Variants in IGF2R observed in about 807,000 individuals in gnomAD.
The protein encoded by IGF2R is cation-independent mannose-6-phosphate receptor.
A neutral mutation model predicts 270.6 loss-of-function variants in IGF2R; 91 were observed. The observed-to-expected ratio is 0.34, with a 90% confidence interval of 0.28 to 0.40. The LOEUF is 0.40. Ranked by LOEUF, IGF2R falls within the 10% of genes least tolerant of loss-of-function variation. The pLI, the probability that IGF2R is intolerant of heterozygous loss-of-function variation, is 1.00. For missense variants in IGF2R, 2,805 were observed against 3,188.3 expected, an observed-to-expected ratio of 0.88 and a Z score of 2.90; for synonymous variants, 1,316 against 1,258.9, an observed-to-expected ratio of 1.05 and a Z score of -0.96.
intron 1 of IGF2R, among the ~76,000 whole-genome samples, chr6:159,978,340 G>C (rs1287415014): frequency 2.0e-5 from 3 of 152,082 alleles, no homozygotes; most frequent in Admixed American, 2.0e-4. Context: ...TTGATAATTC[G>C]AGGTGTGGAG....
At chr6:160,104,434 A>G (rs1037388687) in intron 47 of IGF2R, among the ~76,000 whole-genome samples, 4 of 151,872 alleles carry the variant, frequency 2.6e-5, no homozygotes, top group African/African-American at 4.8e-5. Flanking sequence ...CTCCTGCCAA[A>G]TGACCCCACT....
intron 2 of IGF2R, among the ~76,000 whole-genome samples, chr6:159,999,186 T>TAGGGA (rs1355825584): frequency 6.6e-6 from 1 of 152,114 alleles, no homozygotes; most frequent in Non-Finnish European, 1.5e-5. Flanking sequence ...TCATACACCA[T>TAGGGA]AGGGAAGGGG....
intron 4 of IGF2R, among the ~76,000 whole-genome samples, chr6:160,013,672 T>A (rs1784373888): frequency 6.6e-6 from 1 of 152,220 alleles, no homozygotes; most frequent in Non-Finnish European, 1.5e-5. Context: ...TGTTAAATTT[T>A]GGAATGCTTT....
At chr6:160,078,069 C>A in intron 36 of IGF2R, 132 bp from the exon 37 acceptor site, 1 of 816,926 alleles carries the variant, frequency 1.2e-6, no homozygotes, top group Non-Finnish European at 2.0e-6. Context: ...CTTTCAGCTG[C>A]TGTTGTCTAG....
At position 160,109,983 on chromosome 6, in the gene IGF2R, T is replaced by G. The variant is rs1332568978; in HGVS notation, c.*4899T>G. On this transcript the variant is annotated 3_prime_UTR_variant, in exon 48 of 48. Coordinates refer to ENST00000356956, the MANE Select transcript of IGF2R (RefSeq NM_000876.4). ...GTTCTGTATGTTGTTAACAGATGTT[T>G]TGCAAAAAATGAAAAGGACCTGAGC... 6.6e-6 allele frequency: 1 copy of G among 152,160 alleles called. No individual in the cohort carries two copies. Among genetic ancestry groups the G allele is most frequent in the African/African-American group, 2.4e-5 (1 of 41,422 alleles). The allele number at this position is 152,160 out of a possible 1,614,324, so 9.4% of individuals were successfully genotyped here.
At chr6:160,036,535 C>A (rs1777828112) in intron 10 of IGF2R, among the ~76,000 whole-genome samples, 1 of 152,096 alleles carries the variant, frequency 6.6e-6, no homozygotes, top group South Asian at 2.1e-4. Flanking sequence ...TTGGCCTGTT[C>A]TGTTCAGGGC....
intron 6 of IGF2R, 75 bp from the exon 7 acceptor site, chr6:160,029,475 A>C: frequency 2.3e-6 from 2 of 881,362 alleles, no homozygotes; most frequent in Non-Finnish European, 1.9e-6. Flanking sequence ...AATGTGCTGA[A>C]TGCTCAGGGC....
Position 160,079,689 on chromosome 6 carries a change from G to C in IGF2R, c.5588G>C (p.Gly1863Ala). 6.5e-7 allele frequency: 1 copy of C among 1,545,906 alleles called. No individual in the cohort carries two copies. The highest frequency in any genetic ancestry group is 8.7e-7 in the Non-Finnish European group (1 of 1,148,780). ...GTCTGTCTGCTCTCAGGCACCAAGGGGGCATCCTTTGGACGGCTGCAATCA... is the reference window on the plus strand; with the variant it reads ...GTCTGTCTGCTCTCAGGCACCAAGGCGGCATCCTTTGGACGGCTGCAATCA... ...GGVCLLSGTK[G>A]ASFGRLQSMK... Residue 1863 changes from glycine to alanine, a missense_variant, in exon 38 of 48, where the codon GGG (glycine) becomes GCG (alanine). Physicochemically the swap from Gly to Ala is moderately conservative, Grantham distance 60 (BLOSUM62 0). Around this residue, in one of 2 missense-constraint regions of IGF2R, gnomAD observed 1,851 missense variants for 2,207.2 expected, o/e 0.84. Coordinates refer to ENST00000356956, the MANE Select transcript of IGF2R (RefSeq NM_000876.4).
In IGF2R at chr6:160,027,258, C is replaced by A; in HGVS notation, c.720C>A (p.His240Gln). ...CTGCCGCCTGCCTGGTAAGAGGACA[C>A]CAGGCGTTTGATGTTGGCCAGCCCC... is the stretch of plus-strand genomic sequence containing the variant. Reference protein sequence around the residue: ...PGTAACLVRGHQAFDVGQPRD... With the variant: ...PGTAACLVRGQQAFDVGQPRD... Residue 240 changes from histidine (H) to glutamine (Q), a missense_variant, in exon 6 of 48, where the codon CAC becomes CAA. By Grantham distance (24) the His-to-Gln change is conservative (BLOSUM62 0). This residue lies in a region of IGF2R where 954 missense variants were observed against 981.1 expected (regional missense o/e 0.97). Coordinates refer to ENST00000356956, the MANE Select transcript of IGF2R (RefSeq NM_000876.4). 3 of 1,614,170 alleles carry A rather than the reference C, an allele frequency of 1.9e-6. No individual in the cohort carries two copies. The highest frequency in any genetic ancestry group is 1.7e-5 in the Admixed American group (1 of 60,028).
At chr6:160,031,696 C>T (rs1382158638) in intron 7 of IGF2R, among the ~76,000 whole-genome samples, 1 of 152,192 alleles carries the variant, frequency 6.6e-6, no homozygotes, top group Non-Finnish European at 1.5e-5. Flanking sequence ...AGGGTTGGGC[C>T]TGCAGCTCTG....
At chr6:160,049,390 C>T (rs1373053631) in intron 18 of IGF2R, among the ~76,000 whole-genome samples, 1 of 152,130 alleles carries the variant, frequency 6.6e-6, no homozygotes. Flanking sequence ...GCATAGTACC[C>T]GACAAGCCTG....
chr6:160,078,259 C>A lies in IGF2R; in HGVS notation c.5375C>A (p.Pro1792His). 2 of 1,614,200 alleles carry A rather than the reference C, an allele frequency of 1.2e-6. No homozygotes were observed. The highest frequency in any genetic ancestry group is 1.7e-6 in the Non-Finnish European group (2 of 1,180,018). ...ECDFVFEWET[P>H]VVCPDEVRMD... ...GACTTTGTGTTCGAATGGGAGACTCCTGTCGTCTGTCCTGATGAAGTGAGG... is the reference window on the plus strand; with the variant it reads ...GACTTTGTGTTCGAATGGGAGACTCATGTCGTCTGTCCTGATGAAGTGAGG... The change falls in exon 37 of 48, where the codon CCT becomes CAT. Residue 1792 changes from proline (P) to histidine (H), a missense_variant. Coordinates refer to ENST00000356956, the MANE Select transcript of IGF2R (RefSeq NM_000876.4).
chr6:160,047,467 C>A, intron 16 of IGF2R, 131 bp downstream of exon 16: 1 of 775,864 alleles, frequency 1.3e-6, no homozygotes, highest in Non-Finnish European at 2.0e-6. Context: ...TGCCAGGGTG[C>A]CTGGGCAGTA....
intron 26 of IGF2R, 126 bp from the exon 27 acceptor site, chr6:160,063,289 A>T (rs8191852): frequency 2.8e-6 from 2 of 712,116 alleles, no homozygotes; most frequent in African/African-American, 3.5e-5. Context: ...CACCCGCCTC[A>T]GCCTCCCAAA....
chr6:160,062,085 A>G (rs1251120982), intron 25 of IGF2R, among the ~76,000 whole-genome samples, 157 bp downstream of exon 25: 4 of 151,978 alleles, frequency 2.6e-5, no homozygotes, highest in Admixed American at 6.6e-5. Context: ...TCATTTCTTC[A>G]GGTCTTAAAT....
In IGF2R at chr6:160,105,124, G is replaced by C. The variant is rs1442948501; in HGVS notation, c.*40G>C. The C allele has an allele frequency of 6.9e-7, 1 of 1,454,500 alleles. No homozygotes were observed. Among genetic ancestry groups the C allele is most frequent in the Non-Finnish European group, 9.1e-7 (1 of 1,093,412 alleles). 90.1% of individuals were successfully genotyped at this position (1,454,500 alleles called of 1,614,324 possible). A position where few individuals can be genotyped will look rare whatever the true frequency, so the allele number is the denominator to read the frequency against. On this transcript the variant is annotated 3_prime_UTR_variant, in exon 48 of 48. Coordinates refer to ENST00000356956, the MANE Select transcript of IGF2R (RefSeq NM_000876.4). ...CAGGGGAGCACGGAGCCGCGGGACA[G>C]CCAAGCACCTCCAACCAAATAAGAC...
In IGF2R at chr6:160,032,945, C is replaced by T. The variant is rs1277110301; in HGVS notation, c.1049C>T (p.Ser350Leu). Residue 350 changes from serine to leucine, a missense_variant, in exon 9 of 48, where the codon TCA becomes TTA. Ser to Leu is a moderately radical substitution (Grantham distance 145). This residue lies in a region of IGF2R where 954 missense variants were observed against 981.1 expected (regional missense o/e 0.97). Coordinates refer to ENST00000356956, the MANE Select transcript of IGF2R (RefSeq NM_000876.4). ...DLTPLAQSGGSSYISDGKEYL... is the reference protein window; with the variant it reads ...DLTPLAQSGGLSYISDGKEYL... ...TTGTTAATTTCCCTGTTTTTAGGTT[C>T]ATCCTATATTTCAGATGGAAAAGAA... The T allele has an allele frequency of 5.7e-6, 9 of 1,588,184 alleles. No individual in the cohort carries two copies. The highest frequency in any genetic ancestry group is 2.2e-5 in the South Asian group (2 of 89,880).
At chr6:160,068,441 C>T in intron 30 of IGF2R, 56 bp downstream of exon 30, 16 of 1,599,994 alleles carry the variant, frequency 1.0e-5, no homozygotes, top group African/African-American at 1.3e-5. Context: ...CACAGGCCAG[C>T]ACTGGTGAGA....
At chr6:160,080,944 C>T (rs1455591430) in intron 39 of IGF2R, among the ~76,000 whole-genome samples, 1 of 148,018 alleles carries the variant, frequency 6.8e-6, no homozygotes, top group African/African-American at 2.5e-5. Flanking sequence ...GGTGAAACCC[C>T]GTCTCTACTA....
Sources: gnomAD v4.1 joint callset for allele counts (sites outside exome capture counted in the v4.1 genomes callset) on GRCh38, gnomAD v4.1.1 for gene constraint, gnomAD v4.1.1 regional missense constraint, MANE v1.5 for transcripts, NCBI Gene and HGNC (gene_info 2026-07-23, HGNC 2026-07-21) for gene names.